Variants in AHI1 observed in about 807,000 individuals in gnomAD.
AHI1 encodes the protein jouberin.
Under a neutral mutation model 149.3 loss-of-function variants are expected in AHI1, and 123 were observed. The ratio of observed to expected loss-of-function variants is 0.82; its 90% CI spans 0.71 to 0.96. AHI1 has a LOEUF of 0.96. Ranked by LOEUF, AHI1 falls within the 40% of genes least tolerant of loss-of-function variation. AHI1 has a pLI of 0.00. For synonymous variants in AHI1, 475 were observed against 459.8 expected (o/e 1.03, Z -0.42); for missense variants, 1,439 against 1,422.7 (o/e 1.01, Z -0.18).
intron 26 of AHI1, chr6:135,307,160 A>C (rs1784621470): frequency 6.6e-6 from 1 of 152,190 alleles, no homozygotes; most frequent in South Asian, 2.1e-4. Flanking sequence ...AATAAAAGCA[A>C]ATTTGTTCCA....
intron 27 of AHI1, among the ~76,000 whole-genome samples, chr6:135,292,895 C>G (rs1488939750): frequency 6.6e-6 from 1 of 152,102 alleles, no homozygotes; most frequent in East Asian, 1.9e-4. Context: ...CAACTTGTTC[C>G]ATGAAGCCAG....
At chr6:135,302,665 C>G in intron 26 of AHI1, 1 of 1,179,536 alleles carries the variant, frequency 8.5e-7, no homozygotes, top group Non-Finnish European at 1.1e-6. Context: ...GAAAAGGACA[C>G]TTACTTAACT....
chr6:135,320,170 A>G (rs1786588536), intron 25 of AHI1, among the ~76,000 whole-genome samples: 1 of 152,218 alleles, frequency 6.6e-6, no homozygotes, highest in South Asian at 2.1e-4. Flanking sequence ...AAAGGGAAAT[A>G]ACCCCTAATG....
chr6:135,490,053 G>C, intron 5 of AHI1: 1 of 640,444 alleles, frequency 1.6e-6, no homozygotes, highest in Non-Finnish European at 2.8e-6. Flanking sequence ...TGCCAATACA[G>C]ACTCTTTATG....
chr6:135,288,653 T>C (rs889745273), intron 28 of AHI1, among the ~76,000 whole-genome samples: 1 of 152,018 alleles, frequency 6.6e-6, no homozygotes, highest in African/African-American at 2.4e-5. Flanking sequence ...CATAATATGA[T>C]GAATAACCAT....
chr6:135,292,109 T>TACACACACACAC (rs10646107), intron 27 of AHI1, among the ~76,000 whole-genome samples: 76 of 148,334 alleles, frequency 5.1e-4, no homozygotes, highest in East Asian at 3.1e-3. Flanking sequence ...GGCAGCTAAT[T>TACACACACACAC]ACACACACAC....
At chr6:135,341,014 C>T (rs865918866) in intron 24 of AHI1, among the ~76,000 whole-genome samples, 46 of 151,546 alleles carry the variant, frequency 3.0e-4, no homozygotes, top group Middle Eastern at 6.8e-3. Context: ...TAATTTAATG[C>T]CCAAAAGTGA....
intron 23 of AHI1, among the ~76,000 whole-genome samples, chr6:135,363,964 C>T (rs1229561634): frequency 4.8e-5 from 7 of 147,276 alleles, no homozygotes; most frequent in Non-Finnish European, 9.1e-5. Flanking sequence ...ACCTCCCTCC[C>T]GGACGGGGCG....
chr6:135,473,996 C>T (rs566112769), intron 5 of AHI1, among the ~76,000 whole-genome samples: 24 of 152,188 alleles, frequency 1.6e-4, no homozygotes, highest in Non-Finnish European at 3.2e-4. Flanking sequence ...ACTTTCAGTA[C>T]AGTATCTAAT....
chr6:135,470,066 A>G (rs1032100428), intron 5 of AHI1, among the ~76,000 whole-genome samples: 19 of 151,524 alleles, frequency 1.3e-4, no homozygotes, highest in African/African-American at 4.4e-4. Flanking sequence ...TAATCTATCC[A>G]TTTGACAAAG....
At chr6:135,389,435 T>C (rs1319721422) in intron 23 of AHI1, among the ~76,000 whole-genome samples, 1 of 152,068 alleles carries the variant, frequency 6.6e-6, no homozygotes, top group Non-Finnish European at 1.5e-5. Context: ...CTTGTTTAAA[T>C]CAAATATTTT....
At chr6:135,372,965 C>A (rs1165370100) in intron 23 of AHI1, among the ~76,000 whole-genome samples, 1 of 152,154 alleles carries the variant, frequency 6.6e-6, no homozygotes, top group East Asian at 1.9e-4. Context: ...CAAGAATTGA[C>A]TCAAATATTA....
intron 25 of AHI1, among the ~76,000 whole-genome samples, chr6:135,321,292 T>TTATATG (rs946423017): frequency 1.1e-4 from 16 of 152,146 alleles, no homozygotes; most frequent in African/African-American, 1.7e-4. Flanking sequence ...AAAAAAAAAG[T>TTATATG]TATATGTCAT....
intron 28 of AHI1, among the ~76,000 whole-genome samples, chr6:135,287,870 G>C (rs1269474028): frequency 1.3e-5 from 2 of 152,024 alleles, no homozygotes; most frequent in African/African-American, 4.8e-5. Context: ...GCTGAGGCGG[G>C]TGATCACTTG....
chr6:135,349,090 T>C (rs542716005), intron 24 of AHI1, among the ~76,000 whole-genome samples: 3 of 152,302 alleles, frequency 2.0e-5, no homozygotes, highest in African/African-American at 7.2e-5. Context: ...GCTCAAGTGA[T>C]CCTTCTGCCT....
chr6:135,387,976 TGA>T (rs1448562104), intron 23 of AHI1: 2 of 1,613,652 alleles, frequency 1.2e-6, no homozygotes, highest in African/African-American at 2.7e-5. Context: ...TGGCTGACCC[TGA>T]GTCTAGTGCT....
chr6:135,423,102 G>A (rs745316568), intron 20 of AHI1, among the ~76,000 whole-genome samples: 5 of 152,106 alleles, frequency 3.3e-5, no homozygotes, highest in Non-Finnish European at 7.4e-5. Flanking sequence ...TCTGCAAAAT[G>A]AGGATAATAA....
intron 23 of AHI1, among the ~76,000 whole-genome samples, chr6:135,372,377 T>C (rs1186201466): frequency 6.6e-6 from 1 of 151,978 alleles, no homozygotes; most frequent in East Asian, 1.9e-4. Context: ...AAAAAACAAC[T>C]ATTAAGATTT....
chr6:135,302,283 A>G (rs1436405783), intron 26 of AHI1: 1 of 985,438 alleles, frequency 1.0e-6, no homozygotes, highest in East Asian at 1.1e-4. Flanking sequence ...AAGGGCTCTA[A>G]TCAGAAATTC....
Sources: allele counts gnomAD v4.1 joint callset (sites outside exome capture counted in the v4.1 genomes callset), GRCh38; gene constraint gnomAD v4.1.1; transcripts MANE v1.5; gene names NCBI Gene and HGNC (gene_info 2026-07-23, HGNC 2026-07-21).